The following ACSL5 variants were observed in gnomAD, a reference collection of about 807,000 sequenced individuals.
The protein encoded by ACSL5 is acyl-CoA synthetase long chain family member 5, also known as long-chain-fatty-acid--CoA ligase 5.
In ACSL5, 50 loss-of-function variants were observed where a neutral mutation model predicts 84.9. The observed-to-expected ratio is 0.59, with a 90% CI of 0.47 to 0.75. The LOEUF (loss-of-function observed/expected upper bound fraction) is 0.75, where lower values mean the gene tolerates loss of function less well. Among genes scored for constraint, ACSL5 ranks in the 30% least tolerant of loss-of-function variants. The pLI, the probability that ACSL5 is intolerant of heterozygous loss-of-function variation, is 0.00. For missense variants in ACSL5, 775 were observed against 830.4 expected, an observed-to-expected ratio of 0.93 and a Z score of 0.82; for synonymous variants, 280 against 300.7, an observed-to-expected ratio of 0.93 and a Z score of 0.71.
chr10:112,403,508 A>C (rs1299046105), intron 3 of ACSL5, among the ~76,000 whole-genome samples: 1 of 151,790 alleles, frequency 6.6e-6, no homozygotes, highest in East Asian at 1.9e-4. Flanking sequence ...CTGGTCTTGA[A>C]CTCCCAACCT....
chr10:112,383,466 A>C (rs138486694), intron 1 of ACSL5, among the ~76,000 whole-genome samples: 60 of 152,356 alleles, frequency 3.9e-4, no homozygotes, highest in African/African-American at 1.3e-3. Flanking sequence ...ACTTGGAATG[A>C]ATATTGAAAG....
chr10:112,391,738 C>T lies in ACSL5; in HGVS notation c.-29-3180C>T, dbSNP rs1474996338. 3.3e-5 allele frequency among the ~76,000 whole-genome samples: 5 copies of T among 152,126 alleles called. No homozygotes were observed. In the East Asian group the frequency reaches 7.7e-4, roughly 23 times the overall value. ...TTATCCCATGCCAGACTCTTAAAAA[C>T]GGTTGTTAGTTAAAATTGAGGTTTC... On this transcript the variant is annotated intron_variant, in intron 1 of 20. Transcript: ENST00000354655.
In ACSL5 at chr10:112,422,174, C is replaced by T. The variant is rs1264396431; in HGVS notation, c.1476+139C>T. ...ATTAAGCATTCTGAACTTCACTTTC[C>T]TATCCCCTATAGTGGAGACTTAGAT... On this transcript the variant is annotated intron_variant, in intron 16 of 20. Coordinates refer to ENST00000354655, the MANE Select transcript of ACSL5 (RefSeq NM_203379.2). The T allele has an allele frequency of 4.4e-6, 5 of 1,126,050 alleles. No homozygotes were observed. The East Asian group carries it at 1.2e-4, about 26-fold the overall frequency. The allele number at this position is 1,126,050 out of a possible 1,614,324, so 69.8% of individuals were successfully genotyped here. A position where few individuals can be genotyped will look rare whatever the true frequency, so the allele number is the denominator to read the frequency against.
At chr10:112,388,375 AC>A (rs997240427) in intron 1 of ACSL5, among the ~76,000 whole-genome samples, 7 of 152,164 alleles carry the variant, frequency 4.6e-5, no homozygotes, top group African/African-American at 1.7e-4. Flanking sequence ...CACCCCTGTC[AC>A]CAGCCACCAT....
chr10:112,427,716 T>C lies in ACSL5; in HGVS notation c.*358T>C, dbSNP rs1844791212. 1 of 161,540 alleles carries C rather than the reference T, an allele frequency of 6.2e-6. No individual in the cohort carries two copies. Among genetic ancestry groups the C allele is most frequent in the Non-Finnish European group, 1.3e-5 (1 of 74,462 alleles). 10.0% of individuals were successfully genotyped at this position (161,540 alleles called of 1,614,324 possible). ...CAAAGGGACCCTCTGTGCCTTCTTC[T>C]TTGTTTTGTGATAAACATAACTTGC... On this transcript the variant is annotated 3_prime_UTR_variant, in exon 21 of 21. Transcript: ENST00000354655.
At chr10:112,403,145 C>A (rs1843944486) in intron 3 of ACSL5, among the ~76,000 whole-genome samples, 1 of 152,158 alleles carries the variant, frequency 6.6e-6, no homozygotes, top group African/African-American at 2.4e-5. Context: ...AAGATACTCT[C>A]ATACAAATGG....
chr10:112,400,406 C>CTTTTTTTTTTT (rs573644087), intron 3 of ACSL5, among the ~76,000 whole-genome samples: 7 of 98,892 alleles, frequency 7.1e-5, no homozygotes, highest in East Asian at 3.0e-4. Context: ...TTTTTCTTTT[C>CTTTTTTTTTTT]TTTTTTTTTT....
intron 1 of ACSL5, chr10:112,375,408 T>G (rs1039162597): frequency 6.6e-6 from 1 of 152,102 alleles, no homozygotes; most frequent in Non-Finnish European, 1.5e-5. Context: ...GCTTCCTTAG[T>G]AGGAAGCTTT....
Position 112,404,693 on chromosome 10 carries a change from T to C in ACSL5, c.331-12T>C. 6.2e-7 allele frequency: 1 copy of C among 1,612,428 alleles called. No homozygotes were observed. Among genetic ancestry groups the C allele is most frequent in the Non-Finnish European group, 8.5e-7 (1 of 1,178,674 alleles). On this transcript the variant is annotated splice_polypyrimidine_tract_variant and intron_variant, in intron 4 of 20. Coordinates refer to ENST00000354655, the MANE Select transcript of ACSL5 (RefSeq NM_203379.2). ...TTCTCTCTCTCTCTCACCCCATCTC[T>C]CTTTTTTGTAGGTGTCTGATAGAGC...
intron 18 of ACSL5, 29 bp from the exon 19 acceptor site, chr10:112,426,229 C>A: frequency 1.3e-6 from 2 of 1,577,296 alleles, no homozygotes; most frequent in Non-Finnish European, 1.7e-6. Flanking sequence ...TTCTCTCATG[C>A]CCTTGCACCT....
Position 112,378,241 on chromosome 10 carries a change from T to C in ACSL5, c.-30+3972T>C, listed in dbSNP as rs1162347727. On this transcript the variant is annotated intron_variant, in intron 1 of 20. Transcript: ENST00000354655. ...TTCTTCTTCTTGTTTTTTTTTTTTT[T>C]TTTTTTTTTTTTTTTTTGGAGGAGC... Among the ~76,000 whole-genome samples the C allele has an allele frequency of 2.4e-5, 3 of 123,322 alleles. 1 individual carries two copies. The highest frequency in any genetic ancestry group is 5.2e-5 in the Non-Finnish European group (3 of 57,682). 80.9% of individuals were successfully genotyped at this position (123,322 alleles called of 152,430 possible).
At chr10:112,420,507 A>G (rs1278984857) in intron 14 of ACSL5, among the ~76,000 whole-genome samples, 2 of 152,170 alleles carry the variant, frequency 1.3e-5, no homozygotes, top group Non-Finnish European at 2.9e-5. Flanking sequence ...AATATTTACT[A>G]TCTTGGCCTG....
intron 1 of ACSL5, among the ~76,000 whole-genome samples, chr10:112,376,718 C>T (rs1207829130): frequency 1.3e-5 from 2 of 152,084 alleles, no homozygotes; most frequent in Non-Finnish European, 2.9e-5. Context: ...TGAACCAAAA[C>T]AGAGACCTCT....
At chr10:112,384,096 G>A (rs1400356123) in intron 1 of ACSL5, among the ~76,000 whole-genome samples, 1 of 152,010 alleles carries the variant, frequency 6.6e-6, no homozygotes, top group South Asian at 2.1e-4. Context: ...TGAGGCATGA[G>A]AATCGCTTGA....
At chr10:112,412,916 C>T (rs1844216279) in intron 11 of ACSL5, among the ~76,000 whole-genome samples, 1 of 152,132 alleles carries the variant, frequency 6.6e-6, no homozygotes, top group Non-Finnish European at 1.5e-5. Context: ...CAATATCTGT[C>T]TTATCTGTCA....
In ACSL5 at chr10:112,383,368, A is replaced by G. The variant is rs541261138; in HGVS notation, c.-30+9099A>G. Among the ~76,000 whole-genome samples the G allele has an allele frequency of 1.3e-4, 20 of 152,390 alleles. No individual in the cohort carries two copies. In the East Asian group the frequency reaches 2.9e-3, roughly 22 times the overall value. The stretch of plus-strand genomic sequence containing the variant: ...ATCTGCCTGGGGCCATGGCTATTAT[A>G]AGACAATGGCTTGAGCAACTGGTGA... On this transcript the variant is annotated intron_variant, in intron 1 of 20. Coordinates refer to ENST00000354655, the MANE Select transcript of ACSL5 (RefSeq NM_203379.2).
chr10:112,380,864 C>T (rs925887855), intron 1 of ACSL5, among the ~76,000 whole-genome samples: 2 of 152,148 alleles, frequency 1.3e-5, no homozygotes, highest in African/African-American at 2.4e-5. Context: ...TCACTACAAC[C>T]TCAACCTCCC....
At chr10:112,401,074 A>G (rs1055737072) in intron 3 of ACSL5, among the ~76,000 whole-genome samples, 3 of 152,114 alleles carry the variant, frequency 2.0e-5, no homozygotes, top group Admixed American at 6.5e-5. Flanking sequence ...AATGATAGCC[A>G]GGCATGGTGG....
At chr10:112,383,947 C>T (rs1849400295) in intron 1 of ACSL5, among the ~76,000 whole-genome samples, 3 of 152,020 alleles carry the variant, frequency 2.0e-5, no homozygotes, top group Non-Finnish European at 4.4e-5. Context: ...AATCCCAGCA[C>T]TTTGGGAGGC....
Sources: allele counts gnomAD v4.1 joint callset (sites outside exome capture counted in the v4.1 genomes callset), GRCh38; gene constraint gnomAD v4.1.1; transcripts MANE v1.5; gene names NCBI Gene and HGNC (gene_info 2026-07-23, HGNC 2026-07-21).